DNAH11: variants seen among roughly 807,000 people sequenced by gnomAD.
DNAH11 encodes axonemal beta dynein heavy chain 11.
In DNAH11, 442 loss-of-function variants were observed where a neutral mutation model predicts 526.0. The observed-to-expected ratio is 0.84, with a 90% CI of 0.78 to 0.91. DNAH11 has a LOEUF of 0.91. DNAH11 is among the 40% of genes least tolerant of loss of function. The probability of loss-of-function intolerance (pLI) is 0.00; values close to 1 mark genes in which losing one functional copy is unlikely to be tolerated. For synonymous variants in DNAH11, 2,461 were observed against 1,935.9 expected (o/e 1.27, Z -7.12); for missense variants, 6,989 against 5,448.7 (o/e 1.28, Z -8.90).
At chr7:21,892,859 A>C (rs1784374706) in intron 77 of DNAH11, among the ~76,000 whole-genome samples, 192 bp downstream of exon 77, 1 of 151,534 alleles carries the variant, frequency 6.6e-6, no homozygotes, top group Admixed American at 6.6e-5. Context: ...CATACCCCTC[A>C]CCTCCCCCAG....
At chr7:21,778,821 G>C (rs1035758419) in intron 56 of DNAH11, 137 bp from the exon 57 acceptor site, 11 of 1,002,752 alleles carry the variant, frequency 1.1e-5, no homozygotes, top group Middle Eastern at 3.2e-4. Context: ...CAAATCAGAA[G>C]ACAGTGAAAA....
At chr7:21,845,695 A>G (rs1782391243) in intron 66 of DNAH11, among the ~76,000 whole-genome samples, 1 of 152,084 alleles carries the variant, frequency 6.6e-6, no homozygotes, top group African/African-American at 2.4e-5. Context: ...ATTTTTGATG[A>G]TTCTGGATCT....
Position 21,548,104 on chromosome 7 carries a change from G to A in DNAH11, c.495+2955G>A, listed in dbSNP as rs114919411. ...CAACCTTCTACCCAACCCATTAATG[G>A]GTTATTAATTTCAGCATTTTTTGCT... On this transcript the variant is annotated intron_variant, in intron 2 of 81. Coordinates refer to ENST00000409508, the MANE Select transcript of DNAH11 (RefSeq NM_001277115.2). Among the ~76,000 whole-genome samples, 728 of 130,172 alleles carry A rather than the reference G, an allele frequency of 5.6e-3. 110 individuals carry two copies. Among genetic ancestry groups the A allele is most frequent in the African/African-American group, 0.02 (679 of 34,024 alleles). 85.4% of individuals were successfully genotyped at this position (130,172 alleles called of 152,430 possible). A position where few individuals can be genotyped will look rare whatever the true frequency, so the allele number is the denominator to read the frequency against.
intron 65 of DNAH11, among the ~76,000 whole-genome samples, chr7:21,834,188 T>C (rs1781898327): frequency 6.6e-6 from 1 of 151,878 alleles, no homozygotes; most frequent in African/African-American, 2.4e-5. Context: ...AAACTAGAAA[T>C]CAATAACAGG....
At chr7:21,810,923 A>G (rs143811596) in intron 63 of DNAH11, among the ~76,000 whole-genome samples, 20 of 152,336 alleles carry the variant, frequency 1.3e-4, no homozygotes, top group Admixed American at 3.3e-4. Flanking sequence ...CAGAAATTCT[A>G]CTTCTCAGTA....
chr7:21,724,651 G>A lies in DNAH11; in HGVS notation c.7267-1160G>A, dbSNP rs569660552. Among the ~76,000 whole-genome samples the A allele has an allele frequency of 8.0e-5, 12 of 150,802 alleles. No individual in the cohort carries two copies. In the South Asian group the frequency reaches 1.9e-3, roughly 24 times the overall value. Reference sequence around the variant, plus strand: ...TCATCGTATGAATATAGGAGTCGCTGAGCCAGGTCATCCTATGAATATAGG... The same window carrying A: ...TCATCGTATGAATATAGGAGTCGCTAAGCCAGGTCATCCTATGAATATAGG... On this transcript the variant is annotated intron_variant, in intron 44 of 81. Coordinates refer to ENST00000409508, the MANE Select transcript of DNAH11 (RefSeq NM_001277115.2).
At position 21,729,977 on chromosome 7, in the gene DNAH11, TAAC is replaced by T. The variant is rs1785303863; in HGVS notation, c.7440+3996_7440+3998del. On this transcript the variant is annotated intron_variant, in intron 45 of 81. Coordinates refer to ENST00000409508, the MANE Select transcript of DNAH11 (RefSeq NM_001277115.2). Reference sequence around the variant, plus strand: ...AGTCTGTTATCAAAAAGACGAAAGATAACAAGTGTTGTCAACAAAAATGAGAAA... The same window carrying T: ...AGTCTGTTATCAAAAAGACGAAAGATAAGTGTTGTCAACAAAAATGAGAAA... 2.0e-5 allele frequency among the ~76,000 whole-genome samples: 3 copies of T among 152,214 alleles called. No individual in the cohort carries two copies. The South Asian group carries it at 6.2e-4, about 32-fold the overall frequency.
intron 30 of DNAH11, among the ~76,000 whole-genome samples, chr7:21,666,694 C>G (rs1390364157): frequency 6.6e-6 from 1 of 151,662 alleles, no homozygotes; most frequent in African/African-American, 2.4e-5. Flanking sequence ...TGTTTCAGCC[C>G]TATTACCTGA....
chr7:21,817,211 C>T (rs1046336429), intron 64 of DNAH11, among the ~76,000 whole-genome samples: 1 of 152,112 alleles, frequency 6.6e-6, no homozygotes, highest in Admixed American at 6.6e-5. Flanking sequence ...CCAAGAATTT[C>T]TGTTACTGAG....
At chr7:21,845,961 T>C (rs904401597) in intron 66 of DNAH11, among the ~76,000 whole-genome samples, 1 of 152,198 alleles carries the variant, frequency 6.6e-6, no homozygotes, top group Non-Finnish European at 1.5e-5. Flanking sequence ...CTTTGTGAAA[T>C]CTATACCTAA....
In DNAH11 at chr7:21,829,253, G is replaced by A. The variant is rs1326590441; in HGVS notation, c.10691+10914G>A. The stretch of plus-strand genomic sequence containing the variant: ...CCCCCCACCCCCCGCCAATTAGTAG[G>A]CTATATTATTTGCTTATCTTAAAAA... On this transcript the variant is annotated intron_variant, in intron 65 of 81. Coordinates refer to ENST00000409508, the MANE Select transcript of DNAH11 (RefSeq NM_001277115.2). Among the ~76,000 whole-genome samples, 4 of 151,120 alleles carry A rather than the reference G, an allele frequency of 2.6e-5. No homozygotes were observed. In the East Asian group the frequency reaches 7.8e-4, roughly 29 times the overall value.
chr7:21,604,215 G>C (rs1272468761), intron 18 of DNAH11, among the ~76,000 whole-genome samples: 1 of 152,150 alleles, frequency 6.6e-6, no homozygotes, highest in Non-Finnish European at 1.5e-5. Context: ...CTTCCTTAAA[G>C]TCATGAGGAC....
intron 1 of DNAH11, 159 bp downstream of exon 1, chr7:21,543,755 C>A (rs966749670): frequency 4.3e-6 from 3 of 695,516 alleles, no homozygotes; most frequent in African/African-American, 3.6e-5. Flanking sequence ...CTCCTCCCCA[C>A]GTGCACCCAC....
intron 76 of DNAH11, among the ~76,000 whole-genome samples, chr7:21,889,474 G>GT (rs1304471053): frequency 1.3e-5 from 2 of 152,176 alleles, no homozygotes; most frequent in Admixed American, 6.5e-5. Flanking sequence ...CCACCAAACT[G>GT]TTTTTTAAAT....
At chr7:21,700,497 C>G (rs761049144) in intron 36 of DNAH11, among the ~76,000 whole-genome samples, 3 of 152,184 alleles carry the variant, frequency 2.0e-5, no homozygotes, top group Non-Finnish European at 4.4e-5. Flanking sequence ...TCCAAAATTT[C>G]TTCTGCATCC....
chr7:21,808,388 GA>G (rs1432353484), intron 63 of DNAH11, among the ~76,000 whole-genome samples: 2 of 152,044 alleles, frequency 1.3e-5, no homozygotes, highest in Non-Finnish European at 2.9e-5. Context: ...TCTGTGTTAA[GA>G]ACACTATAAT....
chr7:21,817,881 T>TA (rs1356461131), intron 64 of DNAH11, among the ~76,000 whole-genome samples: 3 of 152,134 alleles, frequency 2.0e-5, no homozygotes, highest in Non-Finnish European at 2.9e-5. Flanking sequence ...AAACTTTACT[T>TA]AAAAAAGAGC....
At chr7:21,662,994 C>G (rs754822516) in intron 30 of DNAH11, among the ~76,000 whole-genome samples, 14 of 151,966 alleles carry the variant, frequency 9.2e-5, no homozygotes, top group Non-Finnish European at 7.4e-5. Context: ...CCTAATGATT[C>G]CCAGTCTCCG....
intron 30 of DNAH11, among the ~76,000 whole-genome samples, chr7:21,671,432 A>G (rs1461909942): frequency 6.6e-6 from 1 of 152,182 alleles, no homozygotes; most frequent in East Asian, 1.9e-4. Flanking sequence ...ATGCTTTTCA[A>G]TTTACTGATG....
Sources: gnomAD v4.1 joint callset for allele counts (sites outside exome capture counted in the v4.1 genomes callset) on GRCh38, gnomAD v4.1.1 for gene constraint, MANE v1.5 for transcripts, NCBI Gene and HGNC (gene_info 2026-07-23, HGNC 2026-07-21) for gene names.